Variants in NAT16 observed in about 807,000 individuals in gnomAD.
NAT16 encodes probable N-acetyltransferase 16.
NAT16 carries 16 observed loss-of-function variants against 15.9 expected under a neutral mutation model. That is an observed-to-expected ratio of 1.01 (90% CI 0.68 to 1.53). The LOEUF (loss-of-function observed/expected upper bound fraction) is 1.53, where lower values mean the gene tolerates loss of function less well. Ranked by LOEUF, NAT16 falls within the 40% of genes most tolerant of loss-of-function variation. The pLI, the probability that NAT16 is intolerant of heterozygous loss-of-function variation, is 0.00. For missense variants in NAT16, 572 were observed against 508.4 expected (o/e 1.13, Z -1.20); for synonymous variants, 260 against 241.9 (o/e 1.07, Z -0.69).
intron 2 of NAT16, 186 bp from the exon 3 acceptor site, chr7:101,173,706 G>A (rs1231274303): frequency 7.3e-6 from 4 of 550,496 alleles, no homozygotes; most frequent in Middle Eastern, 9.3e-4. Flanking sequence ...GTCATTCGCC[G>A]GGGCTTCGTC....
rs1443831898 is a variant in NAT16, at chr7:101,175,773, A to C, written c.-4-962T>G. On this transcript the variant is annotated intron_variant, in intron 1 of 3. Coordinates refer to ENST00000300303, the MANE Select transcript of NAT16 (RefSeq NM_198571.3). Reference sequence around the variant, plus strand: ...TGAGACTCTGTCTATAAAAAAAATTAGCCAGGCATGGTGGTGCAGTGGGCC... The same window carrying C: ...TGAGACTCTGTCTATAAAAAAAATTCGCCAGGCATGGTGGTGCAGTGGGCC... Among the ~76,000 whole-genome samples, 6 of 152,214 alleles carry C rather than the reference A, an allele frequency of 3.9e-5. No individual in the cohort carries two copies. In the East Asian group the frequency reaches 7.7e-4, roughly 20 times the overall value.
chr7:101,177,577 C>G (rs1374832206), intron 1 of NAT16, among the ~76,000 whole-genome samples: 1 of 152,098 alleles, frequency 6.6e-6, no homozygotes, highest in Non-Finnish European at 1.5e-5. Flanking sequence ...GTCTTGAACT[C>G]CTGGGCTCAA....
In NAT16 at chr7:101,171,785, C is replaced by G; in HGVS notation, c.*294G>C. 1 of 370,110 alleles carries G rather than the reference C, an allele frequency of 2.7e-6. No individual in the cohort carries two copies. The highest frequency in any genetic ancestry group is 4.9e-6 in the Non-Finnish European group (1 of 204,328). The allele number at this position is 370,110 out of a possible 1,614,324, so 22.9% of individuals were successfully genotyped here. On this transcript the variant is annotated 3_prime_UTR_variant, in exon 4 of 4. Transcript: ENST00000300303. ...TCTGAAGCCTGTGCGGGGACCAGTT[C>G]TTTGGAAAAACAGAGGGTGGATAAC... is the stretch of plus-strand genomic sequence containing the variant.
chr7:101,172,048 CT>C lies in NAT16; in HGVS notation c.*30del, dbSNP rs755252095. ...GGGGAAACTGCGGAAGGGGGCGGGT[CT>C]TTTTCCCCCTCCCCGCCAGAGGAGA... On this transcript the variant is annotated 3_prime_UTR_variant, in exon 4 of 4. Coordinates refer to ENST00000300303, the MANE Select transcript of NAT16 (RefSeq NM_198571.3). This position sits in a 1 kb window ranked among gnomAD's most constrained non-coding sequence, Gnocchi z 4.2. 27 of 1,490,686 alleles carry C rather than the reference CT, an allele frequency of 1.8e-5. No individual in the cohort carries two copies. Among genetic ancestry groups the C allele is most frequent in the Non-Finnish European group, 2.0e-5 (22 of 1,083,944 alleles). The allele number at this position is 1,490,686 out of a possible 1,614,324, so 92.3% of individuals were successfully genotyped here.
chr7:101,172,343 G>A lies in NAT16; in HGVS notation c.846C>T (p.Arg282=), dbSNP rs746801492. ...ARPRVLTLCT[R]PFPIPHGGDG... Reference sequence around the variant, plus strand: ...CCCCTCCGTGCGGGATGGGGAAGGGGCGCGTGCACAGCGTGAGCACGCGCG... The same window carrying A: ...CCCCTCCGTGCGGGATGGGGAAGGGACGCGTGCACAGCGTGAGCACGCGCG... The change falls in exon 4 of 4, where the codon CGC becomes CGT. Residue 282 remains arginine (R), a synonymous_variant. Transcript: ENST00000300303. The surrounding 1 kb of genome is among the most constrained non-coding windows in gnomAD (Gnocchi z 4.2). The A allele has an allele frequency of 1.3e-6, 2 of 1,597,476 alleles. No individual in the cohort carries two copies. The highest frequency in any genetic ancestry group is 2.2e-5 in the South Asian group (2 of 89,796).
chr7:101,176,369 C>A (rs1292249896), intron 1 of NAT16, among the ~76,000 whole-genome samples: 2 of 152,072 alleles, frequency 1.3e-5, no homozygotes, highest in Middle Eastern at 3.2e-3. Context: ...GTGGTGGACA[C>A]CTGTAATCCC....
rs751933828 is a variant in NAT16, at chr7:101,172,058, C to G, written c.*21G>C. On this transcript the variant is annotated 3_prime_UTR_variant, in exon 4 of 4. Transcript: ENST00000300303. The surrounding 1 kb of genome is among the most constrained non-coding windows in gnomAD (Gnocchi z 4.2). ...CGGAAGGGGGCGGGTCTTTTTCCCC[C>G]TCCCCGCCAGAGGAGAGGCCTCAGA... is the stretch of plus-strand genomic sequence containing the variant. The G allele has an allele frequency of 5.2e-6, 8 of 1,550,180 alleles. No individual in the cohort carries two copies. The highest frequency in any genetic ancestry group is 7.1e-6 in the Non-Finnish European group (8 of 1,133,854).
At chr7:101,175,319 G>T (rs1226047893) in intron 1 of NAT16, among the ~76,000 whole-genome samples, 1 of 150,158 alleles carries the variant, frequency 6.7e-6, no homozygotes, top group Non-Finnish European at 1.5e-5. Context: ...CTTTGCCCAG[G>T]CTGGTCTCGA....
chr7:101,174,407 G>A, intron 2 of NAT16, 89 bp downstream of exon 2: 1 of 1,429,068 alleles, frequency 7.0e-7, no homozygotes, highest in Non-Finnish European at 9.2e-7. Flanking sequence ...AGGAAGGCTG[G>A]GGAGAAGCTC....
At chr7:101,176,858 A>T (rs1459656229) in intron 1 of NAT16, among the ~76,000 whole-genome samples, 1 of 151,958 alleles carries the variant, frequency 6.6e-6, no homozygotes, top group Non-Finnish European at 1.5e-5. Flanking sequence ...CAGACCAGCT[A>T]TTCTGTGGGG....
chr7:101,175,355 C>G (rs1376867438), intron 1 of NAT16, among the ~76,000 whole-genome samples: 1 of 151,974 alleles, frequency 6.6e-6, no homozygotes, highest in Non-Finnish European at 1.5e-5. Context: ...ATCCTCCTAC[C>G]TTGGACTCCC....
rs1797359779 is a variant in NAT16, at chr7:101,172,708, G to C, written c.538-57C>G. ...GGGGCGCAGCAGGGCTGGCGAGCCC[G>C]GCGCCTCTCGGCAGGCATCTTCACT... On this transcript the variant is annotated intron_variant, in intron 3 of 3. Coordinates refer to ENST00000300303, the MANE Select transcript of NAT16 (RefSeq NM_198571.3). The surrounding 1 kb of genome is among the most constrained non-coding windows in gnomAD (Gnocchi z 4.2). 7.5e-7 allele frequency: 1 copy of C among 1,329,832 alleles called. No homozygotes were observed. 82.4% of individuals were successfully genotyped at this position (1,329,832 alleles called of 1,614,324 possible).
Position 101,171,937 on chromosome 7 carries a change from C to A in NAT16, c.*142G>T, listed in dbSNP as rs1329491227. ...GGGCAAAAGGGACAGAGTGGGGGGA[C>A]CTGCGCCGGTAAGGGCAGGAGGGCA... is the stretch of plus-strand genomic sequence containing the variant. On this transcript the variant is annotated 3_prime_UTR_variant, in exon 4 of 4. Coordinates refer to ENST00000300303, the MANE Select transcript of NAT16 (RefSeq NM_198571.3). 6.4e-6 allele frequency: 4 copies of A among 623,690 alleles called. No individual in the cohort carries two copies. The highest frequency in any genetic ancestry group is 1.9e-5 in the African/African-American group (1 of 53,608). 38.6% of individuals were successfully genotyped at this position (623,690 alleles called of 1,614,324 possible).
chr7:101,172,599 G>GCC lies in NAT16; in HGVS notation c.589_590insGG (p.Ala197GlyfsTer161). On this transcript the variant is annotated frameshift_variant, in exon 4 of 4. Transcript: ENST00000300303. LOFTEE classifies it low-confidence loss of function (END_TRUNC). The surrounding 1 kb of genome is among the most constrained non-coding windows in gnomAD (Gnocchi z 4.2). ...AGAGGTCCGCAGCGCCGCCAGCCGC[G>GCC]CGCCCAGCCCGGCCAGCAGCGCGGA... The GCC allele has an allele frequency of 6.5e-7, 1 of 1,527,726 alleles. No homozygotes were observed. The highest frequency in any genetic ancestry group is 8.7e-7 in the Non-Finnish European group (1 of 1,145,920). 94.6% of individuals were successfully genotyped at this position (1,527,726 alleles called of 1,614,324 possible).
Position 101,171,977 on chromosome 7 carries a change from C to G in NAT16, c.*102G>C. The G allele has an allele frequency of 1.2e-6, 1 of 816,620 alleles. No individual in the cohort carries two copies. Among genetic ancestry groups the G allele is most frequent in the Non-Finnish European group, 2.0e-6 (1 of 506,056 alleles). 50.6% of individuals were successfully genotyped at this position (816,620 alleles called of 1,614,324 possible). On this transcript the variant is annotated 3_prime_UTR_variant, in exon 4 of 4. Transcript: ENST00000300303. ...GCAGGAGGGCAGGAGTCAGAGGGGA[C>G]TTCCCAGGAGACGCAGCGTCGGAAA... is the stretch of plus-strand genomic sequence containing the variant.
At chr7:101,178,034 A>C (rs1056617618) in intron 1 of NAT16, among the ~76,000 whole-genome samples, 1 of 152,174 alleles carries the variant, frequency 6.6e-6, no homozygotes, top group Non-Finnish European at 1.5e-5. Context: ...CACTACCCCC[A>C]AAGGTGATAA....
In NAT16 at chr7:101,172,128, T is replaced by C. The variant is rs775329336; in HGVS notation, c.1061A>G (p.Glu354Gly). The C allele has an allele frequency of 6.2e-7, 1 of 1,613,896 alleles. No individual in the cohort carries two copies. The highest frequency in any genetic ancestry group is 1.1e-5 in the South Asian group (1 of 91,076). Residue 354 changes from glutamate (E) to glycine (G), a missense_variant, in exon 4 of 4, where the codon GAG becomes GGG. Coordinates refer to ENST00000300303, the MANE Select transcript of NAT16 (RefSeq NM_198571.3). The surrounding 1 kb of genome is among the most constrained non-coding windows in gnomAD (Gnocchi z 4.2). ...CTGTTCAGTATAACCCTTCACCAGCTCCAGTCCCAGCCCGACCTGGCAGAA... is the reference window on the plus strand; with the variant it reads ...CTGTTCAGTATAACCCTTCACCAGCCCCAGTCCCAGCCCGACCTGGCAGAA... Reference protein sequence around the residue: ...ADFCQVGLGLELVKGYTEQYL... With the variant: ...ADFCQVGLGLGLVKGYTEQYL...
rs1171940070 is a variant in NAT16, at chr7:101,173,380, G to A, written c.453C>T (p.His151=). 6.2e-7 allele frequency: 1 copy of A among 1,614,034 alleles called. No individual in the cohort carries two copies. Among genetic ancestry groups the A allele is most frequent in the African/African-American group, 1.3e-5 (1 of 75,058 alleles). The change falls in exon 3 of 4, where the codon CAC becomes CAT. Residue 151 remains histidine, a synonymous_variant. Coordinates refer to ENST00000300303, the MANE Select transcript of NAT16 (RefSeq NM_198571.3). ...RFCSQLVKRQ[H]PGVKVARLTR... Reference sequence around the variant, plus strand: ...TGAGCCGTGCCACCTTGACCCCCGGGTGCTGTCTCTTGACCAGCTGCGAGC... The same window carrying A: ...TGAGCCGTGCCACCTTGACCCCCGGATGCTGTCTCTTGACCAGCTGCGAGC...
chr7:101,175,625 A>G (rs1044948391), intron 1 of NAT16, among the ~76,000 whole-genome samples: 2 of 124,302 alleles, frequency 1.6e-5, no homozygotes, highest in Admixed American at 7.5e-5. Context: ...GGGTAGTTTT[A>G]AAAAAAAAAA....
Sources: gnomAD v4.1 joint callset for allele counts (sites outside exome capture counted in the v4.1 genomes callset) on GRCh38, gnomAD v4.1.1 for gene constraint, Gnocchi (gnomAD v3.1) non-coding constraint, MANE v1.5 for transcripts, NCBI Gene and HGNC (gene_info 2026-07-23, HGNC 2026-07-21) for gene names.